Variants in ROBO2 observed in about 807,000 individuals in gnomAD.
The protein encoded by ROBO2 is roundabout homolog 2.
In ROBO2, 53 loss-of-function variants were observed where a neutral mutation model predicts 160.8. That is an observed-to-expected ratio of 0.33 (90% CI 0.26 to 0.41). ROBO2 has a LOEUF of 0.41. Ranked by LOEUF, ROBO2 falls within the 10% of genes least tolerant of loss-of-function variation. ROBO2 has a pLI of 1.00. For synonymous variants in ROBO2, 664 were observed against 611.7 expected (o/e 1.09, Z -1.26); for missense variants, 1,577 against 1,722.4 (o/e 0.92, Z 1.49).
At chr3:77,379,017 G>A (rs1214231891) in intron 2 of ROBO2, among the ~76,000 whole-genome samples, 1 of 151,302 alleles carries the variant, frequency 6.6e-6, no homozygotes, top group African/African-American at 2.4e-5. Context: ...GCGTGATCTC[G>A]GCTCGCTGCA....
exon 20 of ROBO2, chr3:77,602,400 G>T: frequency 1.9e-6 from 3 of 1,614,082 alleles, no homozygotes; most frequent in Non-Finnish European, 2.5e-6. Flanking sequence ...CTGTCGATCT[G>T]CCTGATCCAC....
intron 2 of ROBO2, among the ~76,000 whole-genome samples, chr3:77,011,054 C>CTTCTTTCTTCCT (rs2061871777): frequency 9.4e-6 from 1 of 106,746 alleles, no homozygotes; most frequent in Non-Finnish European, 1.9e-5. Flanking sequence ...TTCTTTCTTT[C>CTTCTTTCTTCCT]TTCTTTCTTT....
intron 2 of ROBO2, among the ~76,000 whole-genome samples, chr3:75,959,691 G>T (rs1401600357): frequency 1.3e-5 from 2 of 151,456 alleles, no homozygotes; most frequent in Non-Finnish European, 3.0e-5. Flanking sequence ...AGAAAGCTAG[G>T]TTTTTATTTC....
intron 2 of ROBO2, among the ~76,000 whole-genome samples, chr3:76,868,012 T>C (rs914456924): frequency 2.6e-5 from 4 of 152,192 alleles, no homozygotes; most frequent in African/African-American, 7.2e-5. Context: ...AGATACAAAA[T>C]AATTTTCTCC....
intron 2 of ROBO2, among the ~76,000 whole-genome samples, chr3:76,036,913 A>T (rs1258013087): frequency 6.6e-6 from 1 of 152,038 alleles, no homozygotes; most frequent in Non-Finnish European, 1.5e-5. Context: ...ACTTCCCAGT[A>T]TATAATTGGA....
At chr3:76,125,033 T>C (rs1168398303) in intron 2 of ROBO2, among the ~76,000 whole-genome samples, 2 of 152,142 alleles carry the variant, frequency 1.3e-5, no homozygotes, top group Non-Finnish European at 2.9e-5. Flanking sequence ...GTGTCTGTTA[T>C]TCTTGTGTTT....
chr3:77,603,532 A>G (rs1369951924), intron 20 of ROBO2, among the ~76,000 whole-genome samples: 2 of 152,200 alleles, frequency 1.3e-5, no homozygotes, highest in African/African-American at 4.8e-5. Context: ...CTACTGCACT[A>G]TACAAGAAAG....
intron 16 of ROBO2, among the ~76,000 whole-genome samples, chr3:77,587,000 G>A (rs1334367416): frequency 6.6e-6 from 1 of 151,770 alleles, no homozygotes; most frequent in African/African-American, 2.4e-5. Flanking sequence ...GTATGTATAA[G>A]GAAATGCTAG....
chr3:76,937,395 A>G (rs2077776967), intron 2 of ROBO2, among the ~76,000 whole-genome samples: 1 of 152,076 alleles, frequency 6.6e-6, no homozygotes, highest in Admixed American at 6.5e-5. Flanking sequence ...TAATATCAAG[A>G]TGTATCCTTC....
At chr3:77,606,008 T>G (rs2094519847) in intron 20 of ROBO2, among the ~76,000 whole-genome samples, 1 of 152,206 alleles carries the variant, frequency 6.6e-6, no homozygotes, top group African/African-American at 2.4e-5. Context: ...AAATGGTTCC[T>G]GTCTGATAAT....
At chr3:76,368,016 T>A (rs1409254407) in intron 2 of ROBO2, among the ~76,000 whole-genome samples, 1 of 151,978 alleles carries the variant, frequency 6.6e-6, no homozygotes, top group East Asian at 1.9e-4. Context: ...AACCTAAATA[T>A]GGTAAATATT....
chr3:77,244,041 G>C (rs1424724754), intron 2 of ROBO2, among the ~76,000 whole-genome samples: 1 of 152,140 alleles, frequency 6.6e-6, no homozygotes, highest in Non-Finnish European at 1.5e-5. Flanking sequence ...ATTGCTCAGA[G>C]CCATAGTAGT....
rs2069517796 is a variant in ROBO2 at position 77,087,726 on chromosome 3, A to G, written c.62-10288A>G. On this transcript the variant is annotated intron_variant, in intron 1 of 25. Transcript: ENST00000461745. ...TATACACACATATATACATGTACAC[A>G]TATATACATATATGTGTGTGTACAT... Among the ~76,000 whole-genome samples, 5 of 150,884 alleles carry G rather than the reference A, an allele frequency of 3.3e-5. No homozygotes were observed. The Admixed American group carries it at 3.3e-4, about 10-fold the overall frequency.
chr3:77,055,037 T>C (rs2065601018), intron 1 of ROBO2, among the ~76,000 whole-genome samples: 1 of 151,860 alleles, frequency 6.6e-6, no homozygotes, highest in Non-Finnish European at 1.5e-5. Context: ...TGTGGAATTA[T>C]GGTGCAACAA....
At chr3:77,180,675 A>G (rs1367665885) in intron 2 of ROBO2, among the ~76,000 whole-genome samples, 2 of 151,818 alleles carry the variant, frequency 1.3e-5, no homozygotes, top group East Asian at 3.9e-4. Flanking sequence ...TTAGGGATGT[A>G]TTATTATCTC....
At chr3:77,376,257 C>G (rs754106883) in intron 2 of ROBO2, among the ~76,000 whole-genome samples, 4 of 146,648 alleles carry the variant, frequency 2.7e-5, no homozygotes, top group Non-Finnish European at 4.4e-5. Context: ...CAGGTTCAAG[C>G]GATTCTCCTG....
At chr3:77,649,711 T>C (rs773677779) in exon 26 of ROBO2, 1 of 152,156 alleles carries the variant, frequency 6.6e-6, no homozygotes, top group Non-Finnish European at 1.5e-5. Flanking sequence ...TAAAAAGCAT[T>C]TGTTGTGATT....
At chr3:77,311,747 A>G (rs886807013) in intron 2 of ROBO2, among the ~76,000 whole-genome samples, 1 of 152,150 alleles carries the variant, frequency 6.6e-6, no homozygotes, top group African/African-American at 2.4e-5. Flanking sequence ...TTTGTTTCTA[A>G]TAAACAACTG....
At chr3:77,437,426 A>G (rs1436936208) in intron 2 of ROBO2, among the ~76,000 whole-genome samples, 6 of 152,006 alleles carry the variant, frequency 3.9e-5, no homozygotes, top group East Asian at 1.9e-4. Context: ...ATTATGTTCT[A>G]AGATTTAAAC....
Sources: gnomAD v4.1 joint callset for allele counts (sites outside exome capture counted in the v4.1 genomes callset) on GRCh38, gnomAD v4.1.1 for gene constraint, MANE v1.5 for transcripts, NCBI Gene and HGNC (gene_info 2026-07-23, HGNC 2026-07-21) for gene names.